The following MYO1D variants were observed in gnomAD, a reference collection of about 807,000 sequenced individuals.
The protein encoded by MYO1D is unconventional myosin-Id.
MYO1D carries 83 observed loss-of-function variants against 122.0 expected under a neutral mutation model. The ratio of observed to expected loss-of-function variants is 0.68; its 90% CI spans 0.57 to 0.82. MYO1D has a LOEUF of 0.82. Among genes scored for constraint, MYO1D ranks in the 40% least tolerant of loss-of-function variants. The probability of loss-of-function intolerance (pLI) is 0.00; values close to 1 mark genes in which losing one functional copy is unlikely to be tolerated. For missense variants in MYO1D, 1,157 were observed against 1,269.5 expected, an observed-to-expected ratio of 0.91 and a Z score of 1.35; for synonymous variants, 464 against 446.9, an observed-to-expected ratio of 1.04 and a Z score of -0.48.
chr17:32,848,929 A>G (rs2090961200), intron 1 of MYO1D, among the ~76,000 whole-genome samples: 1 of 152,226 alleles, frequency 6.6e-6, no homozygotes, highest in Non-Finnish European at 1.5e-5. Context: ...TAACATTCTT[A>G]CGTACCTGTG....
At chr17:32,568,026 T>C (rs1420638039) in intron 21 of MYO1D, among the ~76,000 whole-genome samples, 1 of 152,086 alleles carries the variant, frequency 6.6e-6, no homozygotes, top group South Asian at 2.1e-4. Context: ...GCTGCAATAA[T>C]GGTGAGCGGC....
At chr17:32,673,332 G>C (rs1597993333) in intron 16 of MYO1D, among the ~76,000 whole-genome samples, 1 of 151,656 alleles carries the variant, frequency 6.6e-6, no homozygotes. Flanking sequence ...CTGAACTCTT[G>C]AGCTCAGGCA....
chr17:32,789,333 T>C (rs2090328252), intron 1 of MYO1D, among the ~76,000 whole-genome samples: 1 of 152,346 alleles, frequency 6.6e-6, no homozygotes, highest in Non-Finnish European at 1.5e-5. Flanking sequence ...GTGGGCATTC[T>C]TGTTTTGTTC....
intron 20 of MYO1D, among the ~76,000 whole-genome samples, chr17:32,614,112 G>A (rs1423444312): frequency 5.2e-5 from 4 of 77,080 alleles, no homozygotes; most frequent in Non-Finnish European, 7.6e-5. Flanking sequence ...GAGCATCTTT[G>A]TTCCAAACTT....
chr17:32,538,463 A>ATT (rs1212682017), intron 21 of MYO1D, among the ~76,000 whole-genome samples: 1 of 129,366 alleles, frequency 7.7e-6, no homozygotes, highest in African/African-American at 3.2e-5. Context: ...TATTATTATT[A>ATT]TTATTATTTT....
At chr17:32,584,412 C>T (rs62062518) in intron 21 of MYO1D, among the ~76,000 whole-genome samples, 14,805 of 152,110 alleles carry the variant, frequency 0.097, 761 homozygotes, top group East Asian at 0.15. Flanking sequence ...CTGACTTTTA[C>T]ATTATTCTTT....
At chr17:32,801,930 A>G (rs1327986478) in intron 1 of MYO1D, among the ~76,000 whole-genome samples, 1 of 152,260 alleles carries the variant, frequency 6.6e-6, no homozygotes, top group Admixed American at 6.5e-5. Flanking sequence ...TCCAAAGGAT[A>G]CTGCAGCCAG....
At chr17:32,532,005 T>A (rs1201009343) in intron 21 of MYO1D, among the ~76,000 whole-genome samples, 2 of 152,212 alleles carry the variant, frequency 1.3e-5, no homozygotes, top group South Asian at 2.1e-4. Flanking sequence ...CAAACCACCA[T>A]GACCAAGTAG....
chr17:32,826,674 G>A (rs749671794), intron 1 of MYO1D, among the ~76,000 whole-genome samples: 1 of 152,164 alleles, frequency 6.6e-6, no homozygotes, highest in Admixed American at 6.5e-5. Context: ...CCACACTCTT[G>A]TGATAGGAGA....
At chr17:32,759,886 C>T (rs12939762) in intron 10 of MYO1D, 13 of 477,956 alleles carry the variant, frequency 2.7e-5, no homozygotes, top group Non-Finnish European at 4.0e-5. Flanking sequence ...CAATAAAATA[C>T]CATATAGTCT....
Position 32,876,914 on chromosome 17 carries a change from G to A in MYO1D, c.-42C>T. ...CTCAGGTGGGCGCGCTCGGGCCTCC[G>A]GGGCCGCTCCGTGGGCCCGCGATGA... On this transcript the variant is annotated 5_prime_UTR_variant, in exon 1 of 22. Coordinates refer to ENST00000318217, the MANE Select transcript of MYO1D (RefSeq NM_015194.3). 3.0e-6 allele frequency: 4 copies of A among 1,320,784 alleles called. No individual in the cohort carries two copies. The highest frequency in any genetic ancestry group is 4.0e-6 in the Non-Finnish European group (4 of 996,986). 81.8% of individuals were successfully genotyped at this position (1,320,784 alleles called of 1,614,324 possible). A position where few individuals can be genotyped will look rare whatever the true frequency, so the allele number is the denominator to read the frequency against.
rs116050435 is a variant in MYO1D, at chr17:32,672,990, C to T, written c.2122-13652G>A. Among the ~76,000 whole-genome samples, 303 of 147,564 alleles carry T rather than the reference C, an allele frequency of 2.1e-3. 2 individuals are homozygous for T. Among genetic ancestry groups the T allele is most frequent in the African/African-American group, 7.3e-3 (291 of 40,118 alleles). On this transcript the variant is annotated intron_variant, in intron 16 of 21. Transcript: ENST00000318217. ...TATACATATTGAAAACTTTTGGCTTCGACCATACTTTAAAGAAAAAAAAGT... is the reference window on the plus strand; with the variant it reads ...TATACATATTGAAAACTTTTGGCTTTGACCATACTTTAAAGAAAAAAAAGT...
chr17:32,706,242 G>T (rs1176178075), intron 16 of MYO1D, among the ~76,000 whole-genome samples: 3 of 152,160 alleles, frequency 2.0e-5, no homozygotes, highest in Non-Finnish European at 4.4e-5. Flanking sequence ...GAGTAGCTGG[G>T]ATTATAGGTG....
chr17:32,595,055 G>C (rs4794929), intron 21 of MYO1D, among the ~76,000 whole-genome samples: 76,233 of 151,946 alleles, frequency 0.5, 19,617 homozygotes, highest in Middle Eastern at 0.58. Context: ...AATGCCTCCT[G>C]CCTTCTGTCC....
In MYO1D at chr17:32,595,728, G is replaced by C. The variant is rs76419426; in HGVS notation, c.2864+9359C>G. On this transcript the variant is annotated intron_variant, in intron 21 of 21. Transcript: ENST00000318217. ...CACTGTTTTGGGCACTAGGGAAACT[G>C]CAGGGAACAATATAAATAAAGTCTC... 3.3e-3 allele frequency among the ~76,000 whole-genome samples: 500 copies of C among 152,302 alleles called. 10 individuals carry two copies. In the East Asian group the frequency reaches 0.037, roughly 11 times the overall value.
chr17:32,556,551 ATTTTTTTT>A (rs66782964), intron 21 of MYO1D, among the ~76,000 whole-genome samples: 1 of 139,582 alleles, frequency 7.2e-6, no homozygotes, highest in Non-Finnish European at 1.5e-5. Context: ...TATGGCCACA[ATTTTTTTT>A]TTTTTTTTTA....
chr17:32,523,472 T>C (rs1372511297), intron 21 of MYO1D: 1 of 152,162 alleles, frequency 6.6e-6, no homozygotes, highest in African/African-American at 2.4e-5. Context: ...AAGTGCGAAA[T>C]GTCACGAATA....
intron 1 of MYO1D, among the ~76,000 whole-genome samples, chr17:32,836,669 C>T (rs961687487): frequency 6.6e-6 from 1 of 151,990 alleles, no homozygotes; most frequent in Non-Finnish European, 1.5e-5. Flanking sequence ...TTCATTATCA[C>T]CATACAGTAT....
intron 21 of MYO1D, among the ~76,000 whole-genome samples, chr17:32,561,756 A>G (rs944665221): frequency 1.3e-4 from 20 of 151,334 alleles, no homozygotes; most frequent in African/African-American, 4.6e-4. Context: ...AATTTTATCC[A>G]TAATACCATC....
Sources: allele counts gnomAD v4.1 joint callset (sites outside exome capture counted in the v4.1 genomes callset), GRCh38; gene constraint gnomAD v4.1.1; transcripts MANE v1.5; gene names NCBI Gene and HGNC (gene_info 2026-07-23, HGNC 2026-07-21).